Variants in UGP2 observed in about 807,000 individuals in gnomAD.
UGP2 encodes UTP--glucose-1-phosphate uridylyltransferase.
UGP2 carries 40 observed loss-of-function variants against 49.0 expected under a neutral mutation model. That is an observed-to-expected ratio of 0.82 (90% CI 0.63 to 1.06). The LOEUF (loss-of-function observed/expected upper bound fraction) is 1.06, where lower values mean the gene tolerates loss of function less well. Ranked by LOEUF, UGP2 falls within the 50% of genes least tolerant of loss-of-function variation. UGP2 has a pLI of 0.00. For missense variants in UGP2, 460 were observed against 603.5 expected, an observed-to-expected ratio of 0.76 and a Z score of 2.49; for synonymous variants, 225 against 213.0, an observed-to-expected ratio of 1.06 and a Z score of -0.49.
chr2:63,887,886 G>C (rs569323333), intron 8 of UGP2: 1 of 492,692 alleles, frequency 2.0e-6, no homozygotes, highest in South Asian at 2.5e-5. Flanking sequence ...TTTATCTTCT[G>C]TCTCTTCCAA....
intron 1 of UGP2, among the ~76,000 whole-genome samples, chr2:63,853,665 A>C (rs1411694175): frequency 6.6e-6 from 1 of 152,120 alleles, no homozygotes; most frequent in East Asian, 1.9e-4. Flanking sequence ...CGCCAGTGTC[A>C]GGGTGTCAGG....
At chr2:63,853,458 G>A (rs924974451) in intron 1 of UGP2, among the ~76,000 whole-genome samples, 7 of 151,984 alleles carry the variant, frequency 4.6e-5, no homozygotes, top group African/African-American at 7.2e-5. Flanking sequence ...GTCATTTCCC[G>A]ATTTAAGATT....
chr2:63,847,534 G>C (rs1038286632), intron 1 of UGP2, among the ~76,000 whole-genome samples: 2 of 152,214 alleles, frequency 1.3e-5, no homozygotes, highest in Non-Finnish European at 2.9e-5. Context: ...TTTCACCTGG[G>C]TGCAGGTGGG....
intron 7 of UGP2, among the ~76,000 whole-genome samples, chr2:63,887,165 G>C (rs1425216827): frequency 1.3e-5 from 2 of 151,870 alleles, no homozygotes; most frequent in African/African-American, 2.4e-5. Flanking sequence ...TCGGGAAGCT[G>C]AGGCATAAGA....
chr2:63,881,957 T>C (rs545795762), intron 3 of UGP2, among the ~76,000 whole-genome samples: 5 of 152,376 alleles, frequency 3.3e-5, no homozygotes, highest in East Asian at 1.9e-4. Flanking sequence ...GGCAAACTTA[T>C]GACTGCATAG....
rs549903738 is a variant in UGP2 at position 63,861,696 on chromosome 2, A to AC, written c.255+3760_255+3761insC. On this transcript the variant is annotated intron_variant, in intron 3 of 9. Coordinates refer to ENST00000337130, the MANE Select transcript of UGP2 (RefSeq NM_006759.4). ...GAGTGAGATCCTGTCTCAAAAAAAA[A>AC]AAAAAAACAAAAAAACGACTTTTTC... is the stretch of plus-strand genomic sequence containing the variant. Among the ~76,000 whole-genome samples the AC allele has an allele frequency of 3.0e-3, 451 of 151,528 alleles. 2 individuals carry two copies. Among genetic ancestry groups the AC allele is most frequent in the Middle Eastern group, 0.01 (3 of 294 alleles).
At chr2:63,883,890 G>T in intron 4 of UGP2, 70 bp from the exon 5 acceptor site, 5 of 1,527,328 alleles carry the variant, frequency 3.3e-6, no homozygotes, top group Non-Finnish European at 4.4e-6. Context: ...TAACCATTAA[G>T]AACTAATTTT....
chr2:63,855,520 G>GTTTTTTTTTTTTTTTTTTTTTCTTTTTT, intron 1 of UGP2: 2 of 192,240 alleles, frequency 1.0e-5, no homozygotes, highest in Non-Finnish European at 1.0e-5. Context: ...TTCTTTTTCT[G>GTTTTTTTTTTTTTTTTTTTTTCTTTTTT]TTTTTTTTTT....
chr2:63,843,441 A>G (rs937196653), intron 1 of UGP2, among the ~76,000 whole-genome samples: 4 of 152,278 alleles, frequency 2.6e-5, no homozygotes, highest in Non-Finnish European at 5.9e-5. Context: ...TGTAATAACA[A>G]TATTCAGTTA....
intron 1 of UGP2, among the ~76,000 whole-genome samples, chr2:63,845,465 A>C: frequency 6.6e-6 from 1 of 151,584 alleles, no homozygotes. Flanking sequence ...CAGGTATGAA[A>C]GTTCTTTATT....
intron 7 of UGP2, 83 bp downstream of exon 7, chr2:63,886,621 C>T: frequency 6.9e-7 from 1 of 1,454,842 alleles, no homozygotes; most frequent in Non-Finnish European, 9.4e-7. Context: ...CCCACTCCCT[C>T]TGTCCCATCT....
chr2:63,887,754 G>T, intron 8 of UGP2, 110 bp downstream of exon 8: 1 of 1,375,110 alleles, frequency 7.3e-7, no homozygotes, highest in Non-Finnish European at 9.9e-7. Flanking sequence ...CTGACCTGTT[G>T]TATTCCTCTG....
Position 63,886,463 on chromosome 2 carries a change from A to G in UGP2, c.996A>G (p.Leu332=), listed in dbSNP as rs771296276. ...TCAAAATATTTAATACAAACAACCT[A>G]TGGATTTCTCTTGCAGCAGTTAAAA... ...SKFKIFNTNN[L]WISLAAVKRL... Residue 332 remains leucine (L), a synonymous_variant, in exon 7 of 10, where the codon CTA becomes CTG. Coordinates refer to ENST00000337130, the MANE Select transcript of UGP2 (RefSeq NM_006759.4). 12 of 1,614,048 alleles carry G rather than the reference A, an allele frequency of 7.4e-6. No homozygotes were observed. In the Admixed American group the frequency reaches 1.8e-4, roughly 25 times the overall value.
chr2:63,858,090 A>G (rs1030266634), intron 3 of UGP2, 154 bp downstream of exon 3: 17 of 661,612 alleles, frequency 2.6e-5, no homozygotes, highest in South Asian at 5.8e-5. Context: ...GAAACTATGG[A>G]GACAGCCTTC....
At chr2:63,886,757 T>C (rs901770152) in intron 7 of UGP2, among the ~76,000 whole-genome samples, 13 of 152,154 alleles carry the variant, frequency 8.5e-5, no homozygotes, top group Admixed American at 2.6e-4. Context: ...GTTGTGGTAG[T>C]GGCAAAAACA....
intron 3 of UGP2, among the ~76,000 whole-genome samples, chr2:63,865,083 A>G (rs946528937): frequency 1.3e-5 from 2 of 152,198 alleles, no homozygotes; most frequent in Non-Finnish European, 2.9e-5. Context: ...TGTAGTCACT[A>G]TGTGAGGCTG....
chr2:63,860,211 C>T (rs1444822402), intron 3 of UGP2, among the ~76,000 whole-genome samples: 1 of 152,118 alleles, frequency 6.6e-6, no homozygotes, highest in African/African-American at 2.4e-5. Context: ...TTTAGAGTAA[C>T]ATTTCTCATG....
At position 63,857,841 on chromosome 2, in the gene UGP2, G is replaced by T; in HGVS notation, c.160G>T (p.Asp54Tyr). Reference protein sequence around the residue: ...SSHEFEHTKKDLDGFRKLFHR... With the variant: ...SSHEFEHTKKYLDGFRKLFHR... ...TCTATTTTCACAGCACACCAAAAAAGACCTGGATGGATTTCGGAAGCTATT... is the reference window on the plus strand; with the variant it reads ...TCTATTTTCACAGCACACCAAAAAATACCTGGATGGATTTCGGAAGCTATT... The change falls in exon 3 of 10, where the codon GAC becomes TAC. Residue 54 changes from aspartate to tyrosine, a missense_variant. Around this residue, in one of 2 missense-constraint regions of UGP2, gnomAD observed 143 missense variants for 130.4 expected, o/e 1.10. Transcript: ENST00000337130. 6.2e-7 allele frequency: 1 copy of T among 1,613,960 alleles called. No individual in the cohort carries two copies. The highest frequency in any genetic ancestry group is 1.1e-5 in the South Asian group (1 of 91,044).
At chr2:63,866,558 A>G (rs1300370947) in intron 3 of UGP2, among the ~76,000 whole-genome samples, 1 of 152,314 alleles carries the variant, frequency 6.6e-6, no homozygotes, top group African/African-American at 2.4e-5. Context: ...CCAAAAAATC[A>G]GGGGTAGATA....
Sources: gnomAD v4.1 joint callset for allele counts (sites outside exome capture counted in the v4.1 genomes callset) on GRCh38, gnomAD v4.1.1 for gene constraint, gnomAD v4.1.1 regional missense constraint, MANE v1.5 for transcripts, NCBI Gene and HGNC (gene_info 2026-07-23, HGNC 2026-07-21) for gene names.